Variants in ELN observed in about 807,000 individuals in gnomAD.
ELN encodes tropoelastin.
A neutral mutation model predicts 105.8 loss-of-function variants in ELN; 65 were observed. The observed-to-expected ratio is 0.61, with a 90% CI of 0.50 to 0.75. The LOEUF (loss-of-function observed/expected upper bound fraction) is 0.75, where lower values mean the gene tolerates loss of function less well. Among genes scored for constraint, ELN ranks in the 30% least tolerant of loss-of-function variants. The probability of loss-of-function intolerance (pLI) is 0.00; values close to 1 mark genes in which losing one functional copy is unlikely to be tolerated. For missense variants in ELN, 882 were observed against 969.4 expected (o/e 0.91, Z 1.20); for synonymous variants, 368 against 389.2 (o/e 0.95, Z 0.64).
Position 74,060,121 on chromosome 7 carries a change from C to A in ELN, c.1577-19C>A, listed in dbSNP as rs782764952. 6.2e-7 allele frequency: 1 copy of A among 1,614,142 alleles called. No individual in the cohort carries two copies. On this transcript the variant is annotated intron_variant, in intron 23 of 32. Coordinates refer to ENST00000252034, the MANE Select transcript of ELN (RefSeq NM_000501.4). ...GGCCCCGCCTCCATCTCTAATCCCC[C>A]TCTCTCTCCCTCCCTCAGCTGCAGC... is the stretch of plus-strand genomic sequence containing the variant.
chr7:74,066,304 C>A (rs559342845), intron 31 of ELN, among the ~76,000 whole-genome samples: 1 of 152,292 alleles, frequency 6.6e-6, no homozygotes, highest in African/African-American at 2.4e-5. Flanking sequence ...TGGTGGCTCA[C>A]GCCTGTAATC....
At chr7:74,065,398 T>C (rs1291475884) in intron 29 of ELN, among the ~76,000 whole-genome samples, 1 of 151,912 alleles carries the variant, frequency 6.6e-6, no homozygotes, top group Non-Finnish European at 1.5e-5. Flanking sequence ...GTGGATCACC[T>C]GAGGTCAGGA....
At position 74,061,483 on chromosome 7, in the gene ELN, C is replaced by T. The variant is rs552475045; in HGVS notation, c.1786+344C>T. ...CCTGACCAATATGGTGAAACCCCAT[C>T]TCTACTAAAAACACAAAAATTAGCC... On this transcript the variant is annotated intron_variant, in intron 26 of 32. Coordinates refer to ENST00000252034, the MANE Select transcript of ELN (RefSeq NM_000501.4). Among the ~76,000 whole-genome samples the T allele has an allele frequency of 3.9e-4, 60 of 152,138 alleles. No individual in the cohort carries two copies. In the South Asian group the frequency reaches 0.012, roughly 31 times the overall value.
At chr7:74,054,882 G>C in intron 19 of ELN, 113 bp downstream of exon 19, 2 of 1,182,836 alleles carry the variant, frequency 1.7e-6, no homozygotes, top group Non-Finnish European at 2.5e-6. Flanking sequence ...CAAGGTCACC[G>C]AGCAAGTCAC....
intron 25 of ELN, chr7:74,060,711 G>T: frequency 7.4e-7 from 1 of 1,344,078 alleles, no homozygotes; most frequent in Admixed American, 2.1e-5. Context: ...CAGAGTATCT[G>T]CCTCCTCAGT....
In ELN at chr7:74,060,044, G is replaced by A. The variant is rs782520738; in HGVS notation, c.1573G>A (p.Ala525Thr). Residue 525 changes from alanine to threonine, a missense_variant, in exon 23 of 33, where the codon GCA becomes ACA. Physicochemically the swap from Ala to Thr is moderately conservative, Grantham distance 58. Transcript: ENST00000252034. ...VAPGIGPGGVAAAAKSAAKVA... is the reference protein window; with the variant it reads ...VAPGIGPGGVTAAAKSAAKVA... ...TCCCGGCATTGGCCCTGGTGGAGTT[G>A]CAGGTGAGTTTCATGAGTCAATGAG... The A allele has an allele frequency of 8.1e-6, 13 of 1,614,084 alleles. No homozygotes were observed. In the East Asian group the frequency reaches 2.7e-4, roughly 33 times the overall value.
At position 74,056,567 on chromosome 7, in the gene ELN, G is replaced by A. The variant is rs1259176237; in HGVS notation, c.1316-105G>A. 2.6e-5 allele frequency: 41 copies of A among 1,601,840 alleles called. No individual in the cohort carries two copies. In the South Asian group the frequency reaches 3.8e-4, roughly 15 times the overall value. ...TCAGGGAGGAGTTGGGGGAGAAGAAGGGAGGTCGTATCCATGCCTTACAGG... is the reference window on the plus strand; with the variant it reads ...TCAGGGAGGAGTTGGGGGAGAAGAAAGGAGGTCGTATCCATGCCTTACAGG... On this transcript the variant is annotated intron_variant, in intron 20 of 32. Coordinates refer to ENST00000252034, the MANE Select transcript of ELN (RefSeq NM_000501.4).
chr7:74,033,419 G>A (rs1220347226), intron 1 of ELN, among the ~76,000 whole-genome samples: 1 of 152,270 alleles, frequency 6.6e-6, no homozygotes, highest in African/African-American at 2.4e-5. Flanking sequence ...CCGGAGCCAG[G>A]GAAGGCATCA....
chr7:74,052,066 T>C lies in ELN; in HGVS notation c.949+83T>C, dbSNP rs184992986. On this transcript the variant is annotated intron_variant, in intron 17 of 32. Transcript: ENST00000252034. ...ACCCTAGCCGCAAAGCCAGATGGACTTGGCCTTTGTTCCTTCCCAAATATG... is the reference window on the plus strand; with the variant it reads ...ACCCTAGCCGCAAAGCCAGATGGACCTGGCCTTTGTTCCTTCCCAAATATG... The C allele has an allele frequency of 1.5e-4, 236 of 1,530,350 alleles. 1 individual carries two copies. In the African/African-American group the frequency reaches 3.0e-3, roughly 19 times the overall value. The allele number at this position is 1,530,350 out of a possible 1,614,324, so 94.8% of individuals were successfully genotyped here. A position where few individuals can be genotyped will look rare whatever the true frequency, so the allele number is the denominator to read the frequency against.
At chr7:74,054,430 A>G (rs1327812189) in intron 18 of ELN, among the ~76,000 whole-genome samples, 1 of 150,630 alleles carries the variant, frequency 6.6e-6, no homozygotes, top group Non-Finnish European at 1.5e-5. Context: ...AGATCGCGCT[A>G]TTGCACTCCA....
intron 1 of ELN, among the ~76,000 whole-genome samples, chr7:74,031,689 G>A (rs1788675905): frequency 6.6e-6 from 1 of 152,000 alleles, no homozygotes; most frequent in Admixed American, 6.6e-5. Context: ...GGCCCACATG[G>A]GCAGATTGCT....
At chr7:74,066,440 G>A (rs892682723) in intron 31 of ELN, among the ~76,000 whole-genome samples, 3 of 152,086 alleles carry the variant, frequency 2.0e-5, no homozygotes, top group Non-Finnish European at 2.9e-5. Flanking sequence ...CGTGGTGGAC[G>A]CCTGTAATCC....
chr7:74,054,608 G>C, intron 18 of ELN, 108 bp from the exon 19 acceptor site: 2 of 1,145,822 alleles, frequency 1.7e-6, no homozygotes, highest in Middle Eastern at 4.1e-4. Context: ...CTCTATGTTG[G>C]CATGAAAGGA....
intron 3 of ELN, 73 bp from the exon 4 acceptor site, chr7:74,037,634 G>C: frequency 6.4e-7 from 1 of 1,574,402 alleles, no homozygotes; most frequent in Non-Finnish European, 8.6e-7. Context: ...CACTTTGCCC[G>C]GGTTGGGGGT....
At chr7:74,046,253 G>A in intron 11 of ELN, 36 bp downstream of exon 11, 2 of 1,614,056 alleles carry the variant, frequency 1.2e-6, no homozygotes, top group Middle Eastern at 1.7e-4. Flanking sequence ...AGGGTGGCCA[G>A]CCAGGCAGAG....
intron 17 of ELN, 131 bp from the exon 18 acceptor site, chr7:74,053,032 T>A: frequency 1.5e-6 from 2 of 1,316,152 alleles, no homozygotes; most frequent in South Asian, 2.5e-5. Context: ...GTAGGATCCA[T>A]GCAGAGGAAA....
At chr7:74,028,592 G>A (rs1245357681) in intron 1 of ELN, among the ~76,000 whole-genome samples, 1 of 152,168 alleles carries the variant, frequency 6.6e-6, no homozygotes, top group Non-Finnish European at 1.5e-5. Context: ...CCTGGGGGAG[G>A]GCCCAGCGGG....
intron 1 of ELN, among the ~76,000 whole-genome samples, chr7:74,033,187 A>G (rs1789086303): frequency 6.6e-6 from 1 of 152,240 alleles, no homozygotes; most frequent in African/African-American, 2.4e-5. Context: ...CACAGATGGT[A>G]AGAAGCAGCG....
At chr7:74,057,572 G>A in intron 21 of ELN, 68 bp from the exon 22 acceptor site, 1 of 1,609,512 alleles carries the variant, frequency 6.2e-7, no homozygotes. Flanking sequence ...GGAAGACTGA[G>A]CCTAGAGATG....
Sources: gnomAD v4.1 joint callset for allele counts (sites outside exome capture counted in the v4.1 genomes callset) on GRCh38, gnomAD v4.1.1 for gene constraint, MANE v1.5 for transcripts, NCBI Gene and HGNC (gene_info 2026-07-23, HGNC 2026-07-21) for gene names.